Variants in MLIP observed in about 807,000 individuals in gnomAD.
MLIP encodes muscular LMNA-interacting protein.
A neutral mutation model predicts 84.8 loss-of-function variants in MLIP; 79 were observed. The observed-to-expected ratio is 0.93, with a 90% CI of 0.78 to 1.12. MLIP has a LOEUF of 1.12. MLIP is among the 50% of genes most tolerant of loss of function. MLIP has a pLI of 0.00. For missense variants in MLIP, 1,257 were observed against 1,160.6 expected (o/e 1.08, Z -1.21); for synonymous variants, 504 against 463.0 (o/e 1.09, Z -1.14).
intron 3 of MLIP, among the ~76,000 whole-genome samples, chr6:54,128,809 C>T (rs1157873858): frequency 1.3e-5 from 2 of 152,044 alleles, no homozygotes; most frequent in South Asian, 2.1e-4. Flanking sequence ...ATATATCAAC[C>T]TTCCTTGTGA....
intron 1 of MLIP, among the ~76,000 whole-genome samples, chr6:54,049,870 T>A (rs1431271520): frequency 6.6e-6 from 1 of 152,200 alleles, no homozygotes; most frequent in Non-Finnish European, 1.5e-5. Context: ...GTTTAATCCC[T>A]TTCTTTGGGT....
At chr6:54,091,789 ACCAAC>A (rs1409710089) in intron 1 of MLIP, among the ~76,000 whole-genome samples, 5 of 152,178 alleles carry the variant, frequency 3.3e-5, no homozygotes, top group Non-Finnish European at 7.4e-5. Flanking sequence ...TTTTAATTAT[ACCAAC>A]ACTTGTTGTT....
chr6:54,169,119 T>C (rs1209074552), intron 8 of MLIP, among the ~76,000 whole-genome samples: 1 of 151,712 alleles, frequency 6.6e-6, no homozygotes, highest in East Asian at 1.9e-4. Context: ...GTTTCTGTTT[T>C]ACTGGTGAAG....
chr6:54,219,186 CA>C (rs1780049853), intron 11 of MLIP, among the ~76,000 whole-genome samples: 1 of 150,730 alleles, frequency 6.6e-6, no homozygotes, highest in South Asian at 2.1e-4. Context: ...AGCCTGGGGA[CA>C]GAGCGAGACT....
At chr6:54,023,109 G>C (rs1263900924) in intron 1 of MLIP, among the ~76,000 whole-genome samples, 3 of 151,946 alleles carry the variant, frequency 2.0e-5, no homozygotes, top group Non-Finnish European at 4.4e-5. Context: ...AGAGCTTGCA[G>C]TGAGCTGAGA....
chr6:54,196,358 G>A (rs1049090735), intron 10 of MLIP, among the ~76,000 whole-genome samples: 1 of 151,918 alleles, frequency 6.6e-6, no homozygotes, highest in African/African-American at 2.4e-5. Context: ...CCCACAACAG[G>A]CCTCTGTGTG....
chr6:54,063,415 T>C (rs939781142), intron 1 of MLIP: 1 of 152,120 alleles, frequency 6.6e-6, no homozygotes, highest in African/African-American at 2.4e-5. Context: ...AAAATTCCAT[T>C]TTAAACTTAT....
intron 4 of MLIP, 106 bp from the exon 5 acceptor site, chr6:54,148,950 T>C: frequency 1.2e-6 from 1 of 861,204 alleles, no homozygotes; most frequent in Non-Finnish European, 1.9e-6. Context: ...ATAACCCTTT[T>C]CTTCATTTGA....
chr6:54,140,044 T>TCA (rs1460136559), intron 4 of MLIP, among the ~76,000 whole-genome samples: 14 of 152,176 alleles, frequency 9.2e-5, no homozygotes, highest in African/African-American at 2.9e-4. Flanking sequence ...ATTGACCTGT[T>TCA]TATTATATTT....
intron 12 of MLIP, among the ~76,000 whole-genome samples, chr6:54,252,817 T>G (rs1184032616): frequency 6.6e-6 from 1 of 151,990 alleles, no homozygotes; most frequent in Non-Finnish European, 1.5e-5. Flanking sequence ...ACAATTAAAT[T>G]TAATTCTTTT....
chr6:54,163,052 G>T (rs968466327), intron 8 of MLIP, among the ~76,000 whole-genome samples: 1 of 152,002 alleles, frequency 6.6e-6, no homozygotes, highest in African/African-American at 2.4e-5. Context: ...GTGTTTATTA[G>T]ATTTGACTTG....
chr6:54,090,325 T>C (rs1190101963), intron 1 of MLIP, among the ~76,000 whole-genome samples: 1 of 152,106 alleles, frequency 6.6e-6, no homozygotes, highest in Admixed American at 6.6e-5. Context: ...GATATAAAAG[T>C]TATGCACAAT....
At chr6:54,026,867 C>A (rs1342561291) in intron 1 of MLIP, among the ~76,000 whole-genome samples, 1 of 152,090 alleles carries the variant, frequency 6.6e-6, no homozygotes, top group Non-Finnish European at 1.5e-5. Flanking sequence ...TAAAGTTGTG[C>A]TTGTATGGCT....
chr6:54,080,787 A>G (rs1269364190), intron 1 of MLIP, among the ~76,000 whole-genome samples: 1 of 149,702 alleles, frequency 6.7e-6, no homozygotes, highest in African/African-American at 2.4e-5. Context: ...CTACATATGT[A>G]TATACATATA....
At chr6:54,089,696 C>A (rs1055140306) in intron 1 of MLIP, among the ~76,000 whole-genome samples, 3 of 152,084 alleles carry the variant, frequency 2.0e-5, no homozygotes, top group Non-Finnish European at 4.4e-5. Flanking sequence ...GAAGAATTTG[C>A]TAAAACCTGA....
intron 9 of MLIP, among the ~76,000 whole-genome samples, chr6:54,170,835 T>C (rs959953199): frequency 6.6e-6 from 1 of 151,646 alleles, no homozygotes; most frequent in African/African-American, 2.4e-5. Flanking sequence ...CTTTCTTCTC[T>C]TCCTCTTATC....
rs1770778198 is a variant in MLIP, at chr6:54,124,813, C to T, written c.593C>T (p.Ser198Leu). The change falls in exon 3 of 14, where the codon TCA becomes TTA. Residue 198 changes from serine to leucine, a missense_variant. Physicochemically the swap from Ser to Leu is moderately radical, Grantham distance 145. Transcript: ENST00000502396. ...PKTQGTDLKT[S>L]SHPEMLHGMA... is the part of the protein sequence containing the mutation. ...ACACAGGGGACTGATCTCAAGACCT[C>T]ATCACATCCTGAAATGCTTCATGGG... The T allele has an allele frequency of 6.2e-7, 1 of 1,611,670 alleles. No homozygotes were observed. Among genetic ancestry groups the T allele is most frequent in the African/African-American group, 1.3e-5 (1 of 74,776 alleles).
chr6:54,161,526 A>G (rs9942457), intron 8 of MLIP, among the ~76,000 whole-genome samples: 10,749 of 151,764 alleles, frequency 0.071, 552 homozygotes, highest in East Asian at 0.24. Context: ...TCCTTTATTG[A>G]TAATTGTTAG....
chr6:54,246,003 C>T (rs561709673), intron 12 of MLIP, among the ~76,000 whole-genome samples: 112 of 152,106 alleles, frequency 7.4e-4, no homozygotes, highest in Non-Finnish European at 1.3e-3. Flanking sequence ...TGAAGTTTAC[C>T]AATGTGTGAC....
Sources: gnomAD v4.1 joint callset for allele counts (sites outside exome capture counted in the v4.1 genomes callset) on GRCh38, gnomAD v4.1.1 for gene constraint, MANE v1.5 for transcripts, NCBI Gene and HGNC (gene_info 2026-07-23, HGNC 2026-07-21) for gene names.